DOCK1: variants seen among roughly 807,000 people sequenced by gnomAD.
DOCK1 encodes the protein dedicator of cytokinesis 1.
DOCK1 carries 138 observed loss-of-function variants against 262.7 expected under a neutral mutation model. That is an observed-to-expected ratio of 0.53 (90% confidence interval 0.46 to 0.61). The LOEUF (loss-of-function observed/expected upper bound fraction) is 0.61, where lower values mean the gene tolerates loss of function less well. DOCK1 is among the 20% of genes least tolerant of loss of function. The probability of loss-of-function intolerance (pLI) is 0.00; values close to 1 mark genes in which losing one functional copy is unlikely to be tolerated. For synonymous variants in DOCK1, 866 were observed against 867.4 expected (o/e 1.00, Z 0.03); for missense variants, 1,908 against 2,370.7 (o/e 0.80, Z 4.05).
intron 29 of DOCK1, among the ~76,000 whole-genome samples, chr10:127,262,029 CATGTGTGTGT>C (rs1371766241): frequency 1.9e-4 from 18 of 96,256 alleles, no homozygotes; most frequent in African/African-American, 7.9e-4. Flanking sequence ...CATGTGTGTG[CATGTGTGTGT>C]GTGTGTGTAC....
At chr10:127,400,815 T>C (rs2067180702) in intron 38 of DOCK1, among the ~76,000 whole-genome samples, 1 of 152,174 alleles carries the variant, frequency 6.6e-6, no homozygotes, top group African/African-American at 2.4e-5. Flanking sequence ...CCTGTAATCA[T>C]TCCTGGGCTT....
At chr10:126,959,076 G>T (rs1306545016) in intron 1 of DOCK1, among the ~76,000 whole-genome samples, 4 of 152,174 alleles carry the variant, frequency 2.6e-5, no homozygotes, top group Non-Finnish European at 5.9e-5. Flanking sequence ...AACATTTTCT[G>T]GTTGACAATT....
chr10:127,196,141 C>CCT (rs2057122162), intron 27 of DOCK1: 1 of 151,708 alleles, frequency 6.6e-6, no homozygotes, highest in Non-Finnish European at 1.5e-5. Flanking sequence ...GCGGAGGAAG[C>CCT]CTCGGCTCCG....
chr10:127,142,070 G>T (rs2051315998), intron 27 of DOCK1, among the ~76,000 whole-genome samples: 1 of 152,214 alleles, frequency 6.6e-6, no homozygotes, highest in Admixed American at 6.5e-5. Context: ...GCTAAGGGGA[G>T]CGTGAGAGTT....
intron 31 of DOCK1, among the ~76,000 whole-genome samples, chr10:127,351,448 C>T (rs1013419505): frequency 5.3e-5 from 8 of 152,140 alleles, no homozygotes; most frequent in Non-Finnish European, 4.4e-5. Flanking sequence ...AAAGATGTGA[C>T]GCTGTGTCGT....
intron 37 of DOCK1, 139 bp from the exon 38 acceptor site, chr10:127,384,651 C>A: frequency 9.4e-7 from 1 of 1,062,140 alleles, no homozygotes; most frequent in Admixed American, 3.9e-5. Context: ...TCTGCCCTGG[C>A]AGTCCCCAGC....
intron 3 of DOCK1, 49 bp from the exon 4 acceptor site, chr10:126,981,869 A>G: frequency 1.9e-6 from 3 of 1,578,446 alleles, no homozygotes; most frequent in Non-Finnish European, 2.6e-6. Flanking sequence ...ATTTACATTC[A>G]GCAATCCTAT....
At chr10:127,335,838 C>T (rs1403899841) in intron 29 of DOCK1, among the ~76,000 whole-genome samples, 1 of 152,104 alleles carries the variant, frequency 6.6e-6, no homozygotes, top group East Asian at 1.9e-4. Flanking sequence ...CCTCAGCCTC[C>T]CGAGTAGCTG....
chr10:127,174,535 T>C (rs1892135), intron 27 of DOCK1, among the ~76,000 whole-genome samples: 106,363 of 152,084 alleles, frequency 0.7, 37,506 homozygotes, highest in East Asian at 0.86. Flanking sequence ...CAATAAAGTA[T>C]TGGCCGTGAA....
Position 127,024,756 on chromosome 10 carries a change from G to A in DOCK1, c.1524G>A (p.Lys508=). ...AATCTGTGATTTACTACCAAGTAAA[G>A]CAGCCACGCTGGTTTGAGACTGTTA... The part of the protein sequence containing the change: ...EYKSVIYYQV[K]QPRWFETVKV... The change falls in exon 15 of 52, where the codon AAG becomes AAA. Residue 508 remains lysine (K), a synonymous_variant. Coordinates refer to ENST00000623213, the MANE Select transcript of DOCK1 (RefSeq NM_001290223.2). 1 of 1,611,658 alleles carries A rather than the reference G, an allele frequency of 6.2e-7. No individual in the cohort carries two copies. Among genetic ancestry groups the A allele is most frequent in the Non-Finnish European group, 8.5e-7 (1 of 1,178,934 alleles).
chr10:127,206,269 G>A lies in DOCK1; in HGVS notation c.2848-41739G>A, dbSNP rs188441882. On this transcript the variant is annotated intron_variant, in intron 27 of 51. Transcript: ENST00000623213. ...AGCAATTCTGGTGCCTCAGCCTCCC[G>A]AGTAGCTGGAATTACAGGCACCCGC... Among the ~76,000 whole-genome samples the A allele has an allele frequency of 3.2e-4, 46 of 145,196 alleles. No homozygotes were observed. In the East Asian group the frequency reaches 9.5e-3, roughly 30 times the overall value.
At chr10:127,020,676 G>A (rs1320625219) in intron 13 of DOCK1, among the ~76,000 whole-genome samples, 1 of 152,092 alleles carries the variant, frequency 6.6e-6, no homozygotes, top group Non-Finnish European at 1.5e-5. Context: ...TGAGTCCTCG[G>A]GTATATATCT....
rs1163988403 is a variant in DOCK1, at chr10:127,248,073, G to C, written c.2913G>C (p.Leu971Phe). The C allele has an allele frequency of 3.1e-6, 5 of 1,614,008 alleles. No individual in the cohort carries two copies. In the South Asian group the frequency reaches 5.5e-5, roughly 18 times the overall value. The change falls in exon 28 of 52, where the codon TTG (leucine) becomes TTC (phenylalanine). Residue 971 changes from leucine (L) to phenylalanine (F), a missense_variant. Physicochemically the swap from Leu to Phe is conservative, Grantham distance 22. Transcript: ENST00000623213. ...TGGAAGATTACCATTATGCCCACTT[G>C]ATCAAGACTTTTGGGAAAATGAGGA... ...RQMEDYHYAHLIKTFGKMRTD... is the reference protein window; with the variant it reads ...RQMEDYHYAHFIKTFGKMRTD...
chr10:127,069,491 G>A (rs1217474055), intron 23 of DOCK1, among the ~76,000 whole-genome samples: 4 of 152,214 alleles, frequency 2.6e-5, no homozygotes, highest in Non-Finnish European at 5.9e-5. Context: ...CCAAGAGCAA[G>A]TAATAAAATA....
rs114466037 is a variant in DOCK1, at chr10:127,418,261, C to T, written c.4516-104C>T. 727 of 1,294,952 alleles carry T rather than the reference C, an allele frequency of 5.6e-4. No homozygotes were observed. In the African/African-American group the frequency reaches 7.0e-3, roughly 12 times the overall value. The allele number at this position is 1,294,952 out of a possible 1,614,324, so 80.2% of individuals were successfully genotyped here. A position where few individuals can be genotyped will look rare whatever the true frequency, so the allele number is the denominator to read the frequency against. On this transcript the variant is annotated intron_variant, in intron 44 of 51. Coordinates refer to ENST00000623213, the MANE Select transcript of DOCK1 (RefSeq NM_001290223.2). ...AAATTCTGTTTGGAAGAAAGGTTCA[C>T]GGAGGAGCAGGAAGCCTGCCCCAGA... is the stretch of plus-strand genomic sequence containing the variant.
At chr10:127,172,519 CG>C (rs943115266) in intron 27 of DOCK1, among the ~76,000 whole-genome samples, 1 of 152,092 alleles carries the variant, frequency 6.6e-6, no homozygotes, top group African/African-American at 2.4e-5. Flanking sequence ...ATGGAGAAGA[CG>C]GGTGGGAAAT....
chr10:126,941,481 GCAC>G (rs1383395238), intron 1 of DOCK1, among the ~76,000 whole-genome samples: 1 of 152,222 alleles, frequency 6.6e-6, no homozygotes, highest in Non-Finnish European at 1.5e-5. Flanking sequence ...TGTGGGCCGG[GCAC>G]AGTGGCTCAT....
intron 49 of DOCK1, among the ~76,000 whole-genome samples, chr10:127,441,822 T>C (rs945546527): frequency 6.6e-6 from 1 of 151,958 alleles, no homozygotes; most frequent in African/African-American, 2.4e-5. Flanking sequence ...TTGATTTGCA[T>C]CATCAACAAT....
At chr10:126,943,914 G>T (rs960231751) in intron 1 of DOCK1, among the ~76,000 whole-genome samples, 77 of 152,160 alleles carry the variant, frequency 5.1e-4, no homozygotes, top group Non-Finnish European at 9.0e-4. Context: ...GTCCCAAGCT[G>T]TCTGGAGGAA....
Sources: allele counts gnomAD v4.1 joint callset (sites outside exome capture counted in the v4.1 genomes callset), GRCh38; gene constraint gnomAD v4.1.1; transcripts MANE v1.5; gene names NCBI Gene and HGNC (gene_info 2026-07-23, HGNC 2026-07-21).